RBKS: variants seen among roughly 807,000 people sequenced by gnomAD.
RBKS encodes ribokinase.
Under a neutral mutation model 33.9 loss-of-function variants are expected in RBKS, and 33 were observed. The observed-to-expected ratio is 0.97, with a 90% CI of 0.74 to 1.30. The LOEUF (loss-of-function observed/expected upper bound fraction) is 1.30, where lower values mean the gene tolerates loss of function less well. Among genes scored for constraint, RBKS ranks in the 50% most tolerant of loss-of-function variants. The pLI is 0.00. For missense variants in RBKS, 361 were observed against 392.6 expected (o/e 0.92, Z 0.68); for synonymous variants, 125 against 143.0 (o/e 0.87, Z 0.90).
chr2:27,842,462 A>C (rs554320214), intron 5 of RBKS, among the ~76,000 whole-genome samples: 1 of 152,288 alleles, frequency 6.6e-6, no homozygotes, highest in African/African-American at 2.4e-5. Context: ...AAAGATGATA[A>C]AGTTTTACAA....
At chr2:27,886,916 C>T (rs1487089283) in intron 1 of RBKS, among the ~76,000 whole-genome samples, 1 of 152,026 alleles carries the variant, frequency 6.6e-6, no homozygotes, top group African/African-American at 2.4e-5. Context: ...CAAAGAGTCT[C>T]TGAGAACTAA....
chr2:27,872,844 T>A (rs1372555693), intron 1 of RBKS, among the ~76,000 whole-genome samples: 1 of 151,940 alleles, frequency 6.6e-6, no homozygotes, highest in Non-Finnish European at 1.5e-5. Flanking sequence ...ACCCATCAAA[T>A]AAGAAACATG....
intron 7 of RBKS, among the ~76,000 whole-genome samples, chr2:27,785,595 T>C (rs1677382324): frequency 6.6e-6 from 1 of 151,826 alleles, no homozygotes; most frequent in South Asian, 2.1e-4. Flanking sequence ...AAACCCTGTC[T>C]CTACTAAAAA....
intron 5 of RBKS, among the ~76,000 whole-genome samples, chr2:27,842,133 A>G (rs1055789104): frequency 6.6e-6 from 1 of 152,218 alleles, no homozygotes; most frequent in African/African-American, 2.4e-5. Flanking sequence ...GAAGCTGACA[A>G]GGGACAGAAA....
At chr2:27,812,541 G>A (rs1370883997) in intron 7 of RBKS, among the ~76,000 whole-genome samples, 1 of 152,214 alleles carries the variant, frequency 6.6e-6, no homozygotes, top group East Asian at 1.9e-4. Context: ...AAAAGGATGA[G>A]TTCATGTCTT....
At chr2:27,819,284 CAG>C (rs1294999165) in intron 7 of RBKS, among the ~76,000 whole-genome samples, 4 of 151,738 alleles carry the variant, frequency 2.6e-5, no homozygotes, top group Middle Eastern at 3.4e-3. Flanking sequence ...TGTGTGCACA[CAG>C]AGAGAGAGAG....
At chr2:27,862,622 C>T (rs573127622) in intron 1 of RBKS, among the ~76,000 whole-genome samples, 1 of 152,262 alleles carries the variant, frequency 6.6e-6, no homozygotes, top group East Asian at 1.9e-4. Context: ...CAGTGGTCAA[C>T]TTGCAAATGT....
chr2:27,832,249 T>C (rs1678432145), intron 6 of RBKS, among the ~76,000 whole-genome samples: 1 of 152,226 alleles, frequency 6.6e-6, no homozygotes, highest in African/African-American at 2.4e-5. Flanking sequence ...CAGTTAAATT[T>C]GAATTTAAGA....
At chr2:27,851,299 A>C (rs1174786618) in intron 2 of RBKS, among the ~76,000 whole-genome samples, 1 of 152,160 alleles carries the variant, frequency 6.6e-6, no homozygotes, top group African/African-American at 2.4e-5. Context: ...TATCAGCTTA[A>C]GGTCTACCTT....
chr2:27,854,374 G>A lies in RBKS; in HGVS notation c.222+4065C>T, dbSNP rs896436594. Among the ~76,000 whole-genome samples the A allele has an allele frequency of 2.6e-5, 4 of 152,222 alleles. No homozygotes were observed. The East Asian group carries it at 7.7e-4, about 29-fold the overall frequency. On this transcript the variant is annotated intron_variant, in intron 2 of 7. Coordinates refer to ENST00000302188, the MANE Select transcript of RBKS (RefSeq NM_022128.3). Reference sequence around the variant, plus strand: ...GAACAGCACCACCTTAATGTACCGAGTTAGGAGGCCAGCAGGTCTTATTTT... The same window carrying A: ...GAACAGCACCACCTTAATGTACCGAATTAGGAGGCCAGCAGGTCTTATTTT...
intron 7 of RBKS, among the ~76,000 whole-genome samples, chr2:27,820,650 A>C (rs1678185170): frequency 6.6e-6 from 1 of 151,888 alleles, no homozygotes; most frequent in South Asian, 2.1e-4. Flanking sequence ...GGCCTCAAGC[A>C]ATCCTCCTGC....
At chr2:27,878,467 T>C (rs1329449353) in intron 1 of RBKS, among the ~76,000 whole-genome samples, 1 of 152,200 alleles carries the variant, frequency 6.6e-6, no homozygotes, top group Non-Finnish European at 1.5e-5. Context: ...TCTTTGCTAT[T>C]GTGAATAGTA....
At chr2:27,790,573 A>G (rs975077888) in intron 7 of RBKS, among the ~76,000 whole-genome samples, 13 of 152,242 alleles carry the variant, frequency 8.5e-5, no homozygotes, top group South Asian at 2.1e-4. Flanking sequence ...ATACAATCCA[A>G]TAAGACCAAC....
rs148292838 is a variant in RBKS, at chr2:27,781,709, T to C, written c.875A>G (p.Asn292Ser). The C allele has an allele frequency of 5.0e-6, 8 of 1,614,024 alleles. No individual in the cohort carries two copies. In the African/African-American group the frequency reaches 1.1e-4, roughly 22 times the overall value. ...GACTGCTGCAATGAAATTGGATCTG[T>C]TGAGCATGTCTTCCAAGGACAGATT... ...YPNLSLEDML[N>S]RSNFIAAVSV... The change falls in exon 8 of 8, where the codon AAC becomes AGC. Residue 292 changes from asparagine to serine, a missense_variant. Coordinates refer to ENST00000302188, the MANE Select transcript of RBKS (RefSeq NM_022128.3).
At chr2:27,817,079 A>T (rs1260679914) in intron 7 of RBKS, among the ~76,000 whole-genome samples, 2 of 152,106 alleles carry the variant, frequency 1.3e-5, no homozygotes, top group African/African-American at 4.8e-5. Flanking sequence ...AGGGTAAGCG[A>T]CTCTTAACAC....
chr2:27,858,641 G>C (rs1305601385), intron 1 of RBKS, 70 bp from the exon 2 acceptor site: 1 of 1,404,286 alleles, frequency 7.1e-7, no homozygotes, highest in African/African-American at 1.4e-5. Flanking sequence ...CTTTAGAAGA[G>C]AGGGAAGGCT....
At chr2:27,878,563 G>A (rs1240115853) in intron 1 of RBKS, among the ~76,000 whole-genome samples, 2 of 151,862 alleles carry the variant, frequency 1.3e-5, no homozygotes, top group African/African-American at 4.9e-5. Context: ...GGATGGCTGG[G>A]TCAAATGGTA....
intron 1 of RBKS, among the ~76,000 whole-genome samples, chr2:27,885,699 T>A (rs1664513114): frequency 6.6e-6 from 1 of 152,202 alleles, no homozygotes; most frequent in African/African-American, 2.4e-5. Flanking sequence ...TTTTTCTCCT[T>A]AGCTTTTACC....
At chr2:27,878,382 A>T (rs1276020526) in intron 1 of RBKS, among the ~76,000 whole-genome samples, 1 of 150,668 alleles carries the variant, frequency 6.6e-6, no homozygotes, top group Non-Finnish European at 1.5e-5. Flanking sequence ...ATGGCTGCAT[A>T]GTATTCCATG....
Sources: gnomAD v4.1 joint callset for allele counts (sites outside exome capture counted in the v4.1 genomes callset) on GRCh38, gnomAD v4.1.1 for gene constraint, MANE v1.5 for transcripts, NCBI Gene and HGNC (gene_info 2026-07-23, HGNC 2026-07-21) for gene names.